Variants in TNPO2 observed in about 807,000 individuals in gnomAD.
The protein encoded by TNPO2 is transportin 2, also known as transportin-2.
In TNPO2, 16 loss-of-function variants were observed where a neutral mutation model predicts 111.1. The observed-to-expected ratio is 0.14, with a 90% CI of 0.10 to 0.22. The LOEUF is 0.22. Among genes scored for constraint, TNPO2 ranks in the 10% least tolerant of loss-of-function variants. The pLI is 1.00. For missense variants in TNPO2, 530 were observed against 1,173.7 expected (o/e 0.45, Z 8.01); for synonymous variants, 481 against 475.8 (o/e 1.01, Z -0.14).
chr19:12,701,432 G>C lies in TNPO2; in HGVS notation c.2608C>G (p.Gln870Glu). 6.2e-7 allele frequency: 1 copy of C among 1,613,904 alleles called. No homozygotes were observed. Among genetic ancestry groups the C allele is most frequent in the Non-Finnish European group, 8.5e-7 (1 of 1,179,852 alleles). ...FYKILHGFKD[Q>E]VGEDNWQQFS... ...TGCTGCCAGTTATCTTCCCCAACTTGGTCTTTGAAGCCGTGGAGAATCTGT... is the reference window on the plus strand; with the variant it reads ...TGCTGCCAGTTATCTTCCCCAACTTCGTCTTTGAAGCCGTGGAGAATCTGT... The change falls in exon 25 of 26, where the codon CAA (glutamine) becomes GAA (glutamate). Residue 870 changes from glutamine to glutamate, a missense_variant. By Grantham distance (29) the Gln-to-Glu change is conservative. Transcript: ENST00000425528. The surrounding 1 kb of genome is among the most constrained non-coding windows in gnomAD (Gnocchi z 5.0).
Position 12,702,207 on chromosome 19 carries a change from C to A in TNPO2, c.2306-30G>T. The A allele has an allele frequency of 1.9e-6, 3 of 1,587,768 alleles. No homozygotes were observed. The highest frequency in any genetic ancestry group is 2.6e-6 in the Non-Finnish European group (3 of 1,162,676). ...AACCCCGAGCGGCCCCGGGACGGTA[C>A]GTGGCGGGGCCTCTGGCACAAGGCA... is the stretch of plus-strand genomic sequence containing the variant. On this transcript the variant is annotated intron_variant, in intron 21 of 25. Transcript: ENST00000425528. This position sits in a 1 kb window ranked among gnomAD's most constrained non-coding sequence, Gnocchi z 5.5.
At position 12,713,504 on chromosome 19, in the gene TNPO2, TAAATAAATAAATAAAC is replaced by T. The variant is rs1490809898; in HGVS notation, c.890+1301_890+1316del. On this transcript the variant is annotated intron_variant, in intron 10 of 25. Coordinates refer to ENST00000425528, the MANE Select transcript of TNPO2 (RefSeq NM_001382241.1). The stretch of plus-strand genomic sequence containing the variant: ...AATGATAAATAAATAAATAAATAAA[TAAATAAATAAATAAAC>T]ATACAATATGCTGGGCGTGGTGACT... Among the ~76,000 whole-genome samples, 1,111 of 146,892 alleles carry T rather than the reference TAAATAAATAAATAAAC, an allele frequency of 7.6e-3. 14 individuals carry two copies. The highest frequency in any genetic ancestry group is 0.029 in the African/African-American group (1,060 of 36,792).
chr19:12,699,556 C>G lies in TNPO2; in HGVS notation c.*1708G>C, dbSNP rs2025184269. The G allele has an allele frequency of 6.7e-6, 1 of 150,054 alleles. No homozygotes were observed. The highest frequency in any genetic ancestry group is 1.5e-5 in the Non-Finnish European group (1 of 68,576). The allele number at this position is 150,054 out of a possible 1,614,324, so 9.3% of individuals were successfully genotyped here. A position where few individuals can be genotyped will look rare whatever the true frequency, so the allele number is the denominator to read the frequency against. On this transcript the variant is annotated 3_prime_UTR_variant, in exon 26 of 26. Coordinates refer to ENST00000425528, the MANE Select transcript of TNPO2 (RefSeq NM_001382241.1). ...CCCATCTTGAGTAGCGAGGGGTTAC[C>G]AATCCCATCAGACAGCCAATCCATC...
intron 20 of TNPO2, 183 bp from the exon 21 acceptor site, chr19:12,703,101 G>A (rs2025419436): frequency 3.3e-6 from 2 of 606,616 alleles, no homozygotes; most frequent in East Asian, 5.5e-5. Flanking sequence ...ACCAGGGACA[G>A]ACCCACACCC....
In TNPO2 at chr19:12,721,774, C is replaced by T. The variant is rs1178018204; in HGVS notation, c.-13-784G>A. 1.3e-5 allele frequency: 2 copies of T among 156,198 alleles called. No individual in the cohort carries two copies. Among genetic ancestry groups the T allele is most frequent in the Non-Finnish European group, 2.8e-5 (2 of 70,324 alleles). 9.7% of individuals were successfully genotyped at this position (156,198 alleles called of 1,614,324 possible). On this transcript the variant is annotated intron_variant, in intron 2 of 25. Coordinates refer to ENST00000425528, the MANE Select transcript of TNPO2 (RefSeq NM_001382241.1). The surrounding 1 kb of genome is among the most constrained non-coding windows in gnomAD (Gnocchi z 4.9). ...GTCGCCTTCCCCAATCAGGTCTGGC[C>T]AAGCCTCTCCCTGAAATTCCCTCCG...
chr19:12,720,468 A>C (rs2026618990), intron 3 of TNPO2, among the ~76,000 whole-genome samples: 1 of 151,290 alleles, frequency 6.6e-6, no homozygotes, highest in African/African-American at 2.4e-5. Flanking sequence ...CTACATGTGC[A>C]TGCCACCACA....
At chr19:12,710,547 T>C in intron 13 of TNPO2, 74 bp downstream of exon 13, 1 of 1,530,416 alleles carries the variant, frequency 6.5e-7, no homozygotes, top group African/African-American at 1.4e-5. Flanking sequence ...AACTGAGGCA[T>C]TGGTGTGGCT....
chr19:12,711,625 G>C lies in TNPO2; in HGVS notation c.891-12C>G, dbSNP rs1180226276. On this transcript the variant is annotated splice_polypyrimidine_tract_variant and intron_variant, in intron 10 of 25. Transcript: ENST00000425528. ...AGATGGGGATCAACCTGCACAGAGA[G>C]GGACTGTTTATGGGGATGCAGGGGC... 6.2e-7 allele frequency: 1 copy of C among 1,612,530 alleles called. No homozygotes were observed. The highest frequency in any genetic ancestry group is 1.1e-5 in the South Asian group (1 of 90,870).
At chr19:12,723,512 C>G (rs1287979336) in intron 1 of TNPO2, 147 bp from the exon 2 acceptor site, 2 of 152,138 alleles carry the variant, frequency 1.3e-5, no homozygotes, top group African/African-American at 4.8e-5. Flanking sequence ...GAGCAGTTCG[C>G]GCGATTAGAG....
At position 12,721,194 on chromosome 19, in the gene TNPO2, G is replaced by A. The variant is rs1174643042; in HGVS notation, c.-13-204C>T. The A allele has an allele frequency of 6.5e-6, 9 of 1,381,948 alleles. No homozygotes were observed. The South Asian group carries it at 1.2e-4, about 19-fold the overall frequency. 85.6% of individuals were successfully genotyped at this position (1,381,948 alleles called of 1,614,324 possible). A position where few individuals can be genotyped will look rare whatever the true frequency, so the allele number is the denominator to read the frequency against. Reference sequence around the variant, plus strand: ...CGCGCAGTCGCGGGCTCGGGAGCGCGGGAGGGGGGATGTGGAAACGGGCCA... The same window carrying A: ...CGCGCAGTCGCGGGCTCGGGAGCGCAGGAGGGGGGATGTGGAAACGGGCCA... On this transcript the variant is annotated intron_variant, in intron 2 of 25. Coordinates refer to ENST00000425528, the MANE Select transcript of TNPO2 (RefSeq NM_001382241.1). The surrounding 1 kb of genome is among the most constrained non-coding windows in gnomAD (Gnocchi z 4.9).
intron 20 of TNPO2, 53 bp downstream of exon 20, chr19:12,703,375 A>G (rs1445003266): frequency 6.5e-7 from 1 of 1,533,048 alleles, no homozygotes; most frequent in Non-Finnish European, 9.0e-7. Context: ...TCCCGCCCCC[A>G]GGTTGAGAAC....
At chr19:12,703,317 G>A (rs1015816734) in intron 20 of TNPO2, 111 bp downstream of exon 20, 40 of 953,850 alleles carry the variant, frequency 4.2e-5, no homozygotes, top group Non-Finnish European at 6.2e-5. Flanking sequence ...CACCCCTGAC[G>A]ACCCCCAAGA....
At position 12,721,331 on chromosome 19, in the gene TNPO2, C is replaced by G; in HGVS notation, c.-13-341G>C. ...CTCCGAGCCCGAAGGCTTCCACCTC[C>G]CTCGCAGCGGCTGGGCGAGGGCCCA... On this transcript the variant is annotated intron_variant, in intron 2 of 25. Coordinates refer to ENST00000425528, the MANE Select transcript of TNPO2 (RefSeq NM_001382241.1). This position sits in a 1 kb window ranked among gnomAD's most constrained non-coding sequence, Gnocchi z 4.9. The G allele has an allele frequency of 2.3e-6, 3 of 1,278,392 alleles. No individual in the cohort carries two copies. The highest frequency in any genetic ancestry group is 3.0e-6 in the Non-Finnish European group (3 of 989,896). The allele number at this position is 1,278,392 out of a possible 1,614,324, so 79.2% of individuals were successfully genotyped here. A position where few individuals can be genotyped will look rare whatever the true frequency, so the allele number is the denominator to read the frequency against.
In TNPO2 at chr19:12,705,022, T is replaced by G. The variant is rs998127372; in HGVS notation, c.2022+218A>C. On this transcript the variant is annotated intron_variant, in intron 18 of 25. Coordinates refer to ENST00000425528, the MANE Select transcript of TNPO2 (RefSeq NM_001382241.1). This position sits in a 1 kb window ranked among gnomAD's most constrained non-coding sequence, Gnocchi z 7.2. ...CTGTTTGCTTTAAAAAAAATTTTTTTTTTTAATTTTAGAACTGGGGTTTCA... is the reference window on the plus strand; with the variant it reads ...CTGTTTGCTTTAAAAAAAATTTTTTGTTTTAATTTTAGAACTGGGGTTTCA... 1.3e-5 allele frequency among the ~76,000 whole-genome samples: 2 copies of G among 152,176 alleles called. No homozygotes were observed. Among genetic ancestry groups the G allele is most frequent in the African/African-American group, 2.4e-5 (1 of 41,434 alleles).
chr19:12,708,255 C>T (rs1347539625), intron 13 of TNPO2, among the ~76,000 whole-genome samples: 1 of 152,152 alleles, frequency 6.6e-6, no homozygotes, highest in Non-Finnish European at 1.5e-5. Flanking sequence ...GCCTCAGCCT[C>T]CCAATAGCTA....
chr19:12,711,217 T>C (rs1201553117), intron 12 of TNPO2, 79 bp downstream of exon 12: 2 of 1,548,360 alleles, frequency 1.3e-6, no homozygotes, highest in African/African-American at 2.7e-5. Flanking sequence ...AATCAGCTTC[T>C]GCCTCAGCTT....
At chr19:12,717,325 G>A (rs867895033) in intron 5 of TNPO2, among the ~76,000 whole-genome samples, 10 of 143,740 alleles carry the variant, frequency 7.0e-5, no homozygotes, top group South Asian at 2.2e-4. Context: ...AGGCTGGAGT[G>A]CAGTGGCACA....
chr19:12,720,798 G>A, intron 3 of TNPO2, 81 bp downstream of exon 3: 3 of 1,493,180 alleles, frequency 2.0e-6, no homozygotes, highest in Non-Finnish European at 2.7e-6. Flanking sequence ...AGGGGAGTCA[G>A]TCCCTCTCTT....
chr19:12,718,943 A>G (rs1466481282), intron 5 of TNPO2, 86 bp downstream of exon 5: 12 of 1,539,768 alleles, frequency 7.8e-6, no homozygotes, highest in Non-Finnish European at 1.1e-5. Context: ...AGGGTGCCAG[A>G]GCATTCCATG....
Sources: gnomAD v4.1 joint callset for allele counts (sites outside exome capture counted in the v4.1 genomes callset) on GRCh38, gnomAD v4.1.1 for gene constraint, Gnocchi (gnomAD v3.1) non-coding constraint, MANE v1.5 for transcripts, NCBI Gene and HGNC (gene_info 2026-07-23, HGNC 2026-07-21) for gene names.